Variants in QTGAL observed in about 807,000 individuals in gnomAD.
QTGAL encodes BGnT-like protein 1.
the QTGAL span, among the ~76,000 whole-genome samples, chr17:83,040,764 T>C: frequency 6.6e-6 from 1 of 151,950 alleles, no homozygotes; most frequent in Admixed American, 6.6e-5. Flanking sequence ...AGAAAAAAAG[T>C]TTGAAAAAAT....
chr17:82,980,708 G>T, the QTGAL span, among the ~76,000 whole-genome samples: 31 of 151,714 alleles, frequency 2.0e-4, no homozygotes, highest in Non-Finnish European at 3.8e-4. Flanking sequence ...TCCTCTTGGG[G>T]CCCAACACCC....
the QTGAL span, among the ~76,000 whole-genome samples, chr17:82,950,515 T>C: frequency 6.6e-6 from 1 of 152,186 alleles, no homozygotes; most frequent in Admixed American, 6.5e-5. Context: ...TATAACTGCT[T>C]CTCGGAGCCT....
At chr17:82,985,321 C>T in the QTGAL span, among the ~76,000 whole-genome samples, 6 of 152,230 alleles carry the variant, frequency 3.9e-5, no homozygotes, top group African/African-American at 7.2e-5. Context: ...TAAAACTTGA[C>T]TTGGTGGCTG....
the QTGAL span, among the ~76,000 whole-genome samples, chr17:82,958,059 C>T: frequency 6.6e-6 from 1 of 151,916 alleles, no homozygotes; most frequent in Non-Finnish European, 1.5e-5. Context: ...CTGCCCGGGC[C>T]CTTCCCAGCC....
At chr17:82,942,545 A>T in the QTGAL span, 1 of 1,591,020 alleles carries the variant, frequency 6.3e-7, no homozygotes, top group Non-Finnish European at 8.6e-7. Context: ...AAAGCCTCGC[A>T]CAGTGGTGCC....
chr17:83,044,818 C>T, the QTGAL span, among the ~76,000 whole-genome samples: 13 of 152,126 alleles, frequency 8.5e-5, no homozygotes, highest in Non-Finnish European at 1.6e-4. Flanking sequence ...TGGTGGCGCA[C>T]GCCTGTAGAC....
the QTGAL span, among the ~76,000 whole-genome samples, chr17:82,996,589 GC>G: frequency 6.6e-6 from 1 of 150,912 alleles, no homozygotes; most frequent in Admixed American, 6.6e-5. Context: ...AACCAGAATA[GC>G]CCCAGCTATC....
the QTGAL span, among the ~76,000 whole-genome samples, chr17:83,007,511 C>T: frequency 3.3e-5 from 5 of 152,140 alleles, no homozygotes; most frequent in South Asian, 1.0e-3. Flanking sequence ...CAGAGAGGCT[C>T]AGCATCTACA....
the QTGAL span, among the ~76,000 whole-genome samples, chr17:82,997,728 C>T: frequency 3.5e-4 from 53 of 152,128 alleles, no homozygotes; most frequent in African/African-American, 8.9e-4. Context: ...ACAACATAGA[C>T]GGCACTGGGG....
chr17:83,012,954 G>A, the QTGAL span, among the ~76,000 whole-genome samples: 2 of 151,826 alleles, frequency 1.3e-5, no homozygotes, highest in Admixed American at 6.6e-5. Flanking sequence ...ACTCTCGGAC[G>A]TCTCTCCCAG....
chr17:82,958,292 G>A, the QTGAL span, among the ~76,000 whole-genome samples: 1 of 152,176 alleles, frequency 6.6e-6, no homozygotes, highest in Non-Finnish European at 1.5e-5. Context: ...CAATGGCCGC[G>A]ATGTAGCCAC....
At chr17:83,021,541 G>T in the QTGAL span, among the ~76,000 whole-genome samples, 2 of 152,142 alleles carry the variant, frequency 1.3e-5, no homozygotes, top group African/African-American at 2.4e-5. Context: ...CACATGGAGA[G>T]ATATACTATG....
chr17:82,957,557 A>C, the QTGAL span: 1 of 1,524,146 alleles, frequency 6.6e-7, no homozygotes, highest in Non-Finnish European at 8.9e-7. Flanking sequence ...AGATGCTGAC[A>C]TACAGGGACA....
At chr17:83,042,853 G>A in the QTGAL span, among the ~76,000 whole-genome samples, 12 of 152,328 alleles carry the variant, frequency 7.9e-5, no homozygotes, top group Middle Eastern at 6.8e-3. Flanking sequence ...TGGAACAAGG[G>A]AAAGAGATAT....
At chr17:82,947,218 G>A in the QTGAL span, 1 of 527,596 alleles carries the variant, frequency 1.9e-6, no homozygotes, top group Non-Finnish European at 3.4e-6. Flanking sequence ...CTGCCTTCTG[G>A]CCTTGCCTCT....
the QTGAL span, among the ~76,000 whole-genome samples, chr17:82,990,598 C>A: frequency 6.6e-6 from 1 of 152,242 alleles, no homozygotes; most frequent in South Asian, 2.1e-4. Context: ...CCAAATCCAT[C>A]ATTATAGTTT....
At chr17:83,022,344 AGC>A in the QTGAL span, among the ~76,000 whole-genome samples, 2 of 120,002 alleles carry the variant, frequency 1.7e-5, no homozygotes, top group Admixed American at 1.6e-4. Context: ...CACCTGCACC[AGC>A]GTGAACTCAC....
At chr17:82,990,247 A>G in the QTGAL span, among the ~76,000 whole-genome samples, 1 of 152,230 alleles carries the variant, frequency 6.6e-6, no homozygotes, top group Non-Finnish European at 1.5e-5. Context: ...GTGTCTTCTT[A>G]TCCTACTATA....
chr17:82,973,574 C>T, the QTGAL span, among the ~76,000 whole-genome samples: 2 of 141,866 alleles, frequency 1.4e-5, no homozygotes, highest in East Asian at 2.5e-4. Context: ...CCTTGGGTGT[C>T]GTGGAGGCAG....
Sources: gnomAD v4.1 joint callset for allele counts (sites outside exome capture counted in the v4.1 genomes callset) on GRCh38, gnomAD v4.1.1 for gene constraint, MANE v1.5 for transcripts, NCBI Gene and HGNC (gene_info 2026-07-23, HGNC 2026-07-21) for gene names.